The following DUSP10 variants were observed in gnomAD, a reference collection of about 807,000 sequenced individuals.
DUSP10 encodes the protein dual specificity phosphatase 10.
In DUSP10, 14 loss-of-function variants were observed where a neutral mutation model predicts 30.8. The observed-to-expected ratio is 0.46, with a 90% CI of 0.30 to 0.71. The LOEUF is 0.71. Among genes scored for constraint, DUSP10 ranks in the 30% least tolerant of loss-of-function variants. The probability of loss-of-function intolerance (pLI) is 0.08; values close to 1 mark genes in which losing one functional copy is unlikely to be tolerated. For missense variants in DUSP10, 550 were observed against 619.4 expected (o/e 0.89, Z 1.19); for synonymous variants, 254 against 250.4 (o/e 1.01, Z -0.14).
At position 221,702,383 on chromosome 1, in the gene DUSP10, AGCAG is replaced by A; in HGVS notation, c.*25_*28del. 1 of 1,608,108 alleles carries A rather than the reference AGCAG, an allele frequency of 6.2e-7. No individual in the cohort carries two copies. The highest frequency in any genetic ancestry group is 8.5e-7 in the Non-Finnish European group (1 of 1,176,454). On this transcript the variant is annotated 3_prime_UTR_variant, in exon 4 of 4. Transcript: ENST00000366899. The surrounding 1 kb of genome is among the most constrained non-coding windows in gnomAD (Gnocchi z 4.5). ...CCTTCCTCATTGTCTCCTAATGGAG[AGCAG>A]CAATCCTTTCCATCCAGACCATTGT...
At chr1:221,707,891 A>T (rs1660813640) in intron 2 of DUSP10, among the ~76,000 whole-genome samples, 1 of 152,220 alleles carries the variant, frequency 6.6e-6, no homozygotes, top group Non-Finnish European at 1.5e-5. Context: ...TAAATTAGGG[A>T]ATTTACGGAT....
At position 221,706,289 on chromosome 1, in the gene DUSP10, A is replaced by T. The variant is rs1198360310; in HGVS notation, c.989T>A (p.Phe330Tyr). 4 of 1,614,148 alleles carry T rather than the reference A, an allele frequency of 2.5e-6. No individual in the cohort carries two copies. Among genetic ancestry groups the T allele is most frequent in the Non-Finnish European group, 2.5e-6 (3 of 1,180,008 alleles). ...AELTPILPFL[F>Y]LGNEQDAQDL... ...CTGAGCATCCTGCTCATTGCCAAGG[A>T]ACAGGAAGGGCAAGATGGGGGTGAG... Residue 330 changes from phenylalanine to tyrosine, a missense_variant, in exon 3 of 4, where the codon TTC (phenylalanine) becomes TAC (tyrosine). By Grantham distance (22) the Phe-to-Tyr change is conservative (BLOSUM62 3). Transcript: ENST00000366899. This position sits in a 1 kb window ranked among gnomAD's most constrained non-coding sequence, Gnocchi z 4.6.
chr1:221,714,010 G>C (rs1365407069), intron 2 of DUSP10, among the ~76,000 whole-genome samples: 1 of 152,016 alleles, frequency 6.6e-6, no homozygotes, highest in Non-Finnish European at 1.5e-5. Context: ...AATAAAAGTT[G>C]TTCATTTTTA....
At chr1:221,727,356 T>C (rs1255694046) in intron 2 of DUSP10, among the ~76,000 whole-genome samples, 11 of 152,232 alleles carry the variant, frequency 7.2e-5, no homozygotes, top group Admixed American at 5.9e-4. Context: ...CAAAGGATTA[T>C]ATACTGGTTG....
intron 2 of DUSP10, among the ~76,000 whole-genome samples, chr1:221,737,870 C>A (rs1270396107): frequency 6.6e-6 from 1 of 152,240 alleles, no homozygotes; most frequent in Non-Finnish European, 1.5e-5. Flanking sequence ...GCAATGTGTT[C>A]AAACTCAGCA....
Position 221,702,341 on chromosome 1 carries a change from A to C in DUSP10, c.*71T>G, listed in dbSNP as rs1660629816. The C allele has an allele frequency of 1.3e-6, 2 of 1,530,244 alleles. No homozygotes were observed. The highest frequency in any genetic ancestry group is 1.8e-6 in the Non-Finnish European group (2 of 1,141,096). The allele number at this position is 1,530,244 out of a possible 1,614,324, so 94.8% of individuals were successfully genotyped here. On this transcript the variant is annotated 3_prime_UTR_variant, in exon 4 of 4. Coordinates refer to ENST00000366899, the MANE Select transcript of DUSP10 (RefSeq NM_007207.6). This position sits in a 1 kb window ranked among gnomAD's most constrained non-coding sequence, Gnocchi z 4.5. ...CTACAAAAAAAAAAAGAAAGAAAAA[A>C]AACCAGAATCCATCCTCCTTCCTCA...
chr1:221,712,239 C>T (rs539970317), intron 2 of DUSP10, among the ~76,000 whole-genome samples: 2 of 152,162 alleles, frequency 1.3e-5, no homozygotes, highest in South Asian at 4.1e-4. Flanking sequence ...TAGGATCTTG[C>T]CCCCAGGGAA....
rs762951355 is a variant in DUSP10 at position 221,706,074 on chromosome 1, T to A, written c.1183+21A>T. The A allele has an allele frequency of 3.1e-6, 5 of 1,596,160 alleles. No homozygotes were observed. Among genetic ancestry groups the A allele is most frequent in the Non-Finnish European group, 3.4e-6 (4 of 1,168,458 alleles). ...GGAAAAGGAAGGCAGCGGATGAAAA[T>A]TCCCTATGGGAGATAGTTACCAATG... On this transcript the variant is annotated intron_variant, in intron 3 of 3. Coordinates refer to ENST00000366899, the MANE Select transcript of DUSP10 (RefSeq NM_007207.6). The surrounding 1 kb of genome is among the most constrained non-coding windows in gnomAD (Gnocchi z 4.6).
At chr1:221,731,645 T>G (rs1661599522) in intron 2 of DUSP10, among the ~76,000 whole-genome samples, 1 of 144,354 alleles carries the variant, frequency 6.9e-6, no homozygotes, top group Non-Finnish European at 1.5e-5. Context: ...AGAGTCTCAC[T>G]GTCGCCAGGC....
intron 2 of DUSP10, among the ~76,000 whole-genome samples, chr1:221,722,062 C>T (rs185086696): frequency 5.3e-5 from 8 of 152,328 alleles, no homozygotes; most frequent in African/African-American, 1.9e-4. Context: ...TGGAGTTCCT[C>T]TTATCCCTCT....
rs1357651636 is a variant in DUSP10 at position 221,706,619 on chromosome 1, T to C, written c.812-153A>G. Among the ~76,000 whole-genome samples the C allele has an allele frequency of 2.0e-5, 3 of 151,648 alleles. No individual in the cohort carries two copies. Among genetic ancestry groups the C allele is most frequent in the Non-Finnish European group, 4.4e-5 (3 of 67,916 alleles). ...TAAGCAAAAAAAATAAAAATAAAAA[T>C]AAAACAAAACAAAACAAAAACTAAA... is the stretch of plus-strand genomic sequence containing the variant. On this transcript the variant is annotated intron_variant, in intron 2 of 3. Transcript: ENST00000366899. The surrounding 1 kb of genome is among the most constrained non-coding windows in gnomAD (Gnocchi z 4.6).
chr1:221,729,553 G>GGATATAAA (rs1283001991), intron 2 of DUSP10, among the ~76,000 whole-genome samples: 1 of 152,168 alleles, frequency 6.6e-6, no homozygotes, highest in East Asian at 1.9e-4. Flanking sequence ...ATAAAAGTCA[G>GGATATAAA]GATATAAAAT....
At position 221,721,230 on chromosome 1, in the gene DUSP10, A is replaced by G. The variant is rs137924025; in HGVS notation, c.812-14764T>C. Among the ~76,000 whole-genome samples the G allele has an allele frequency of 3.0e-3, 460 of 152,380 alleles. 3 individuals are homozygous for G. Among genetic ancestry groups the G allele is most frequent in the Middle Eastern group, 0.014 (4 of 294 alleles). On this transcript the variant is annotated intron_variant, in intron 2 of 3. Transcript: ENST00000366899. The stretch of plus-strand genomic sequence containing the variant: ...TTAAATATTTTTAGATTCATTGAAC[A>G]CTGGAATGAGATGAGATAGGACCAG...
rs769519756 is a variant in DUSP10, at chr1:221,702,400, T to C, written c.*12A>G. On this transcript the variant is annotated 3_prime_UTR_variant, in exon 4 of 4. Coordinates refer to ENST00000366899, the MANE Select transcript of DUSP10 (RefSeq NM_007207.6). The surrounding 1 kb of genome is among the most constrained non-coding windows in gnomAD (Gnocchi z 4.5). ...TAATGGAGAGCAGCAATCCTTTCCATCCAGACCATTGTCACACAACCGTCT... is the reference window on the plus strand; with the variant it reads ...TAATGGAGAGCAGCAATCCTTTCCACCCAGACCATTGTCACACAACCGTCT... 1 of 1,612,972 alleles carries C rather than the reference T, an allele frequency of 6.2e-7. No homozygotes were observed. The highest frequency in any genetic ancestry group is 8.5e-7 in the Non-Finnish European group (1 of 1,179,586).
intron 2 of DUSP10, chr1:221,737,157 A>G: frequency 1.0e-6 from 1 of 985,078 alleles, no homozygotes; most frequent in Non-Finnish European, 1.2e-6. Context: ...AGGGTCTGCA[A>G]CTCCTTGTAA....
intron 2 of DUSP10, among the ~76,000 whole-genome samples, chr1:221,712,960 GC>G (rs1660984947): frequency 6.6e-6 from 1 of 152,122 alleles, no homozygotes. Flanking sequence ...GTGTACAATA[GC>G]CATCCTGGTA....
intron 1 of DUSP10, among the ~76,000 whole-genome samples, chr1:221,741,740 A>G (rs1211905974): frequency 1.3e-5 from 2 of 152,092 alleles, no homozygotes; most frequent in African/African-American, 4.8e-5. Flanking sequence ...CCCAAATCCA[A>G]GTAGACTGCA....
chr1:221,736,818 C>T (rs1661788103), intron 2 of DUSP10: 1 of 985,346 alleles, frequency 1.0e-6, no homozygotes. Flanking sequence ...GAAGAAAAGG[C>T]CCCCAAAACT....
Position 221,739,673 on chromosome 1 carries a change from G to C in DUSP10, c.72C>G (p.Asn24Lys). ...CAAGGTAACTAGAGTCTAAACAAAG[G>C]TTGAGATCCTGAGGTCGGACGGGCC... ...LSRPVRPQDL[N>K]LCLDSSYLGS... Residue 24 changes from asparagine to lysine, a missense_variant, in exon 2 of 4, where the codon AAC (asparagine) becomes AAG (lysine). Physicochemically the swap from Asn to Lys is moderately conservative, Grantham distance 94. Coordinates refer to ENST00000366899, the MANE Select transcript of DUSP10 (RefSeq NM_007207.6). 6.2e-7 allele frequency: 1 copy of C among 1,614,164 alleles called. No individual in the cohort carries two copies. Among genetic ancestry groups the C allele is most frequent in the Non-Finnish European group, 8.5e-7 (1 of 1,180,020 alleles).
Sources: allele counts gnomAD v4.1 joint callset (sites outside exome capture counted in the v4.1 genomes callset), GRCh38; gene constraint gnomAD v4.1.1; non-coding constraint Gnocchi (gnomAD v3.1); transcripts MANE v1.5; gene names NCBI Gene and HGNC (gene_info 2026-07-23, HGNC 2026-07-21).